Variants in SEPTIN7 observed in about 807,000 individuals in gnomAD.
The protein encoded by SEPTIN7 is septin-7.
Under a neutral mutation model 63.3 loss-of-function variants are expected in SEPTIN7, and 10 were observed. That is an observed-to-expected ratio of 0.16 (90% CI 0.10 to 0.27). The LOEUF (loss-of-function observed/expected upper bound fraction) is 0.27. SEPTIN7 is among the 10% of genes least tolerant of loss of function. The pLI, the probability that SEPTIN7 is intolerant of heterozygous loss-of-function variation, is 1.00. For missense variants in SEPTIN7, 310 were observed against 521.0 expected (o/e 0.59, Z 3.94); for synonymous variants, 131 against 165.3 (o/e 0.79, Z 1.59).
chr7:35,873,954 A>G (rs3801337), intron 6 of SEPTIN7, 179 bp downstream of exon 6: 169,757 of 530,874 alleles, frequency 0.32, 28,080 homozygotes, highest in East Asian at 0.44. Flanking sequence ...ATATAAGCTA[A>G]CAGTGATTTT....
intron 5 of SEPTIN7, among the ~76,000 whole-genome samples, chr7:35,873,260 T>G (rs1786266926): frequency 1.3e-5 from 2 of 152,146 alleles, no homozygotes; most frequent in Middle Eastern, 3.4e-3. Flanking sequence ...TGAGGTAATT[T>G]TCTGTCAACT....
intron 4 of SEPTIN7, among the ~76,000 whole-genome samples, chr7:35,864,695 T>C (rs1785706924): frequency 6.6e-6 from 1 of 152,198 alleles, no homozygotes; most frequent in Admixed American, 6.5e-5. Context: ...ATGATTGATA[T>C]GGTATTTTTG....
the SEPTIN7 span, among the ~76,000 whole-genome samples, chr7:35,915,085 GTATA>G: frequency 5.6e-4 from 80 of 143,468 alleles, no homozygotes; most frequent in Middle Eastern, 0.014. Flanking sequence ...GTACATATAT[GTATA>G]TATGCGTATG....
intron 1 of SEPTIN7, among the ~76,000 whole-genome samples, chr7:35,814,761 G>T (rs1788941373): frequency 6.6e-6 from 1 of 151,952 alleles, no homozygotes; most frequent in Non-Finnish European, 1.5e-5. Context: ...GGATCACGAG[G>T]TCAGGAGATC....
intron 7 of SEPTIN7, among the ~76,000 whole-genome samples, chr7:35,880,189 T>TTCTTTTC (rs1171060380): frequency 1.3e-5 from 2 of 150,306 alleles, no homozygotes; most frequent in Non-Finnish European, 3.0e-5. Context: ...ATTTTCTTTT[T>TTCTTTTC]TCTTTTCTCT....
chr7:35,841,156 G>T (rs1442420124), intron 3 of SEPTIN7, among the ~76,000 whole-genome samples: 2 of 152,010 alleles, frequency 1.3e-5, no homozygotes, highest in Non-Finnish European at 2.9e-5. Context: ...GGGAGGCAGG[G>T]GTTGCAGTGA....
intron 4 of SEPTIN7, among the ~76,000 whole-genome samples, chr7:35,865,212 A>G (rs1785741916): frequency 6.6e-6 from 1 of 152,150 alleles, no homozygotes; most frequent in South Asian, 2.1e-4. Context: ...TAATTTAGGT[A>G]TTTATGAATT....
intron 3 of SEPTIN7, among the ~76,000 whole-genome samples, chr7:35,834,748 T>G (rs1481937832): frequency 6.6e-6 from 1 of 152,174 alleles, no homozygotes; most frequent in African/African-American, 2.4e-5. Flanking sequence ...ATATGTTGAT[T>G]TATTTTTCAG....
chr7:35,886,262 C>T (rs1212632553), intron 10 of SEPTIN7, among the ~76,000 whole-genome samples: 1 of 152,162 alleles, frequency 6.6e-6, no homozygotes, highest in Non-Finnish European at 1.5e-5. Context: ...AAAAGGTGCA[C>T]AGCCTGGTAG....
chr7:35,859,346 A>G (rs1159722382), intron 3 of SEPTIN7, among the ~76,000 whole-genome samples: 2 of 152,004 alleles, frequency 1.3e-5, no homozygotes, highest in Non-Finnish European at 2.9e-5. Flanking sequence ...GTTTTGTTTT[A>G]TTATAATGGG....
intron 3 of SEPTIN7, among the ~76,000 whole-genome samples, chr7:35,855,162 C>CTA (rs1785145507): frequency 6.6e-6 from 1 of 152,018 alleles, no homozygotes; most frequent in South Asian, 2.1e-4. Context: ...CAGTACCATG[C>CTA]TATAAGTACT....
chr7:35,876,838 G>A (rs1021303605), intron 6 of SEPTIN7, among the ~76,000 whole-genome samples: 4 of 151,998 alleles, frequency 2.6e-5, no homozygotes, highest in African/African-American at 9.7e-5. Context: ...GCTTGGTGGT[G>A]GATGCCTGTA....
At chr7:35,898,068 T>C (rs1176658243) in intron 11 of SEPTIN7, 180 bp from the exon 12 acceptor site, 1 of 453,240 alleles carries the variant, frequency 2.2e-6, no homozygotes, top group South Asian at 9.5e-5. Context: ...CATCTTTGTT[T>C]TTTAGATTTT....
rs112220030 is a variant in SEPTIN7 at position 35,887,263 on chromosome 7, A to G, written c.872+1384A>G. 4.9e-4 allele frequency among the ~76,000 whole-genome samples: 75 copies of G among 152,352 alleles called. 1 individual carries two copies. Among genetic ancestry groups the G allele is most frequent in the Middle Eastern group, 3.4e-3 (1 of 294 alleles). On this transcript the variant is annotated intron_variant, in intron 10 of 13. Transcript: ENST00000350320. ...CTAGTGCTTGACACAATGGCATTCT[A>G]TAACTTTTTCTTGTGTATTTTAAAA...
At chr7:35,904,152 A>G (rs747616942) in intron 13 of SEPTIN7, 102 bp from the exon 14 acceptor site, 16 of 775,152 alleles carry the variant, frequency 2.1e-5, no homozygotes, top group Non-Finnish European at 3.0e-5. Context: ...TAGTATCTGA[A>G]AATCCCAACA....
downstream of SEPTIN7, among the ~76,000 whole-genome samples, chr7:35,910,031 C>T (rs1788712829): frequency 6.6e-6 from 1 of 152,176 alleles, no homozygotes; most frequent in African/African-American, 2.4e-5. Context: ...GGCAAGTTGA[C>T]GTTAAGAGGC....
chr7:35,892,493 G>C (rs966410563), intron 11 of SEPTIN7, among the ~76,000 whole-genome samples: 1 of 151,992 alleles, frequency 6.6e-6, no homozygotes, highest in African/African-American at 2.4e-5. Flanking sequence ...CAAAGCTACT[G>C]ATAATTTTGT....
chr7:35,805,731 G>C (rs545318308), intron 1 of SEPTIN7, among the ~76,000 whole-genome samples: 1 of 152,306 alleles, frequency 6.6e-6, no homozygotes, highest in African/African-American at 2.4e-5. Context: ...TAAGTCTTAA[G>C]TATTCATGTG....
intron 11 of SEPTIN7, among the ~76,000 whole-genome samples, chr7:35,893,754 C>T (rs1047224873): frequency 3.5e-5 from 5 of 143,554 alleles, no homozygotes; most frequent in African/African-American, 1.3e-4. Flanking sequence ...CTTTCTGTTA[C>T]GTCAATAGCC....
Sources: gnomAD v4.1 joint callset for allele counts (sites outside exome capture counted in the v4.1 genomes callset) on GRCh38, gnomAD v4.1.1 for gene constraint, MANE v1.5 for transcripts, NCBI Gene and HGNC (gene_info 2026-07-23, HGNC 2026-07-21) for gene names.